The following MSRA variants were observed in gnomAD, a reference collection of about 807,000 sequenced individuals.
MSRA encodes mitochondrial peptide methionine sulfoxide reductase.
In MSRA, 54 loss-of-function variants were observed where a neutral mutation model predicts 31.3. That is an observed-to-expected ratio of 1.73 (90% CI 1.39 to 2.17). The LOEUF is 2.17. Ranked by LOEUF, MSRA falls within the 30% of genes most tolerant of loss-of-function variation. MSRA has a pLI of 0.00. For missense variants in MSRA, 507 were observed against 300.9 expected (o/e 1.69, Z -5.07); for synonymous variants, 169 against 116.5 (o/e 1.45, Z -2.90).
At chr8:10,188,639 C>G (rs1449635717) in intron 1 of MSRA, among the ~76,000 whole-genome samples, 2 of 152,134 alleles carry the variant, frequency 1.3e-5, no homozygotes, top group African/African-American at 4.8e-5. Flanking sequence ...TACAGTTGTT[C>G]CAGCACCATT....
intron 1 of MSRA, among the ~76,000 whole-genome samples, chr8:10,069,794 C>T (rs1166064839): frequency 6.6e-6 from 1 of 152,124 alleles, no homozygotes; most frequent in Admixed American, 6.5e-5. Flanking sequence ...ACATTCAAAC[C>T]AAAGTGATGT....
chr8:10,066,682 C>T (rs574923728), intron 1 of MSRA, among the ~76,000 whole-genome samples: 16 of 152,170 alleles, frequency 1.1e-4, no homozygotes, highest in Admixed American at 2.0e-4. Context: ...TACAGGCATC[C>T]GTCACCAGAC....
At chr8:10,210,290 T>C (rs1809364063) in intron 2 of MSRA, among the ~76,000 whole-genome samples, 1 of 152,156 alleles carries the variant, frequency 6.6e-6, no homozygotes, top group Non-Finnish European at 1.5e-5. Context: ...GGAGCTACAG[T>C]TTGAGCCCAA....
intron 3 of MSRA, among the ~76,000 whole-genome samples, chr8:10,285,456 T>A (rs1400447460): frequency 6.6e-6 from 1 of 152,188 alleles, no homozygotes; most frequent in Non-Finnish European, 1.5e-5. Context: ...GTAATTAGCA[T>A]ATCCATCACC....
intron 5 of MSRA, among the ~76,000 whole-genome samples, chr8:10,347,045 GC>G (rs1032918884): frequency 1.2e-4 from 19 of 152,094 alleles, no homozygotes; most frequent in African/African-American, 3.6e-4. Context: ...TCTGGCTGAA[GC>G]CCCCTCCAAT....
intron 1 of MSRA, among the ~76,000 whole-genome samples, chr8:10,085,011 C>G (rs1176557458): frequency 6.6e-6 from 1 of 152,016 alleles, no homozygotes; most frequent in Non-Finnish European, 1.5e-5. Context: ...GAGTTTAAAA[C>G]ATATCAACTA....
rs116104382 is a variant in MSRA, at chr8:10,377,097, C to T, written c.544-51051C>T. Among the ~76,000 whole-genome samples the T allele has an allele frequency of 9.3e-3, 1,423 of 152,344 alleles. 24 individuals carry two copies. Among genetic ancestry groups the T allele is most frequent in the African/African-American group, 0.033 (1,373 of 41,576 alleles). ...TATGCACTAACTTCTAGCAGTAATTCACGTTATGCAGCTGGGTAGGAGATA... is the reference window on the plus strand; with the variant it reads ...TATGCACTAACTTCTAGCAGTAATTTACGTTATGCAGCTGGGTAGGAGATA... On this transcript the variant is annotated intron_variant, in intron 5 of 5. Transcript: ENST00000317173.
At position 10,223,427 on chromosome 8, in the gene MSRA, C is replaced by T. The variant is rs117946628; in HGVS notation, c.211+15526C>T. Among the ~76,000 whole-genome samples, 17 of 152,324 alleles carry T rather than the reference C, an allele frequency of 1.1e-4. No homozygotes were observed. The East Asian group carries it at 2.7e-3, about 24-fold the overall frequency. ...ATAATGTATCGATGAAGTACATCAG[C>T]ATTTGCGTCTATCTCTTAACTCTTT... On this transcript the variant is annotated intron_variant, in intron 2 of 5. Coordinates refer to ENST00000317173, the MANE Select transcript of MSRA (RefSeq NM_012331.5).
intron 5 of MSRA, among the ~76,000 whole-genome samples, chr8:10,416,997 TAATG>T (rs1381322367): frequency 6.6e-6 from 1 of 152,160 alleles, no homozygotes; most frequent in East Asian, 1.9e-4. Flanking sequence ...GAGGAATAGA[TAATG>T]AAAGCCATTA....
At chr8:10,077,333 C>G (rs566885778) in intron 1 of MSRA, among the ~76,000 whole-genome samples, 2 of 152,040 alleles carry the variant, frequency 1.3e-5, no homozygotes, top group South Asian at 4.2e-4. Context: ...GCAACAGGTT[C>G]AAAAGGGGTA....
At chr8:10,258,006 G>T (rs983387872) in intron 3 of MSRA, among the ~76,000 whole-genome samples, 2 of 152,080 alleles carry the variant, frequency 1.3e-5, no homozygotes, top group Non-Finnish European at 2.9e-5. Context: ...TAGCTAATAG[G>T]TTTTAGTCGT....
At chr8:10,105,497 T>TA (rs1799821569) in intron 1 of MSRA, among the ~76,000 whole-genome samples, 1 of 152,066 alleles carries the variant, frequency 6.6e-6, no homozygotes, top group South Asian at 2.1e-4. Flanking sequence ...AATTAAAGAG[T>TA]ATTGTGGAGT....
At chr8:10,330,821 A>G (rs1016487677) in intron 5 of MSRA, among the ~76,000 whole-genome samples, 16 of 152,216 alleles carry the variant, frequency 1.1e-4, no homozygotes, top group African/African-American at 3.6e-4. Flanking sequence ...GATACAGCAT[A>G]TAAAGAAGCC....
intron 1 of MSRA, among the ~76,000 whole-genome samples, chr8:10,146,795 G>C (rs780245167): frequency 4.6e-5 from 7 of 152,246 alleles, no homozygotes; most frequent in Non-Finnish European, 7.3e-5. Flanking sequence ...CCCTGGGCTG[G>C]AGCAGACGCT....
intron 5 of MSRA, among the ~76,000 whole-genome samples, chr8:10,364,647 T>G (rs1438810333): frequency 6.6e-6 from 1 of 152,248 alleles, no homozygotes. Flanking sequence ...GCAGTGTGAG[T>G]GACCTTCTTG....
intron 3 of MSRA, among the ~76,000 whole-genome samples, chr8:10,297,024 A>G (rs186089874): frequency 1.3e-4 from 20 of 152,032 alleles, no homozygotes; most frequent in African/African-American, 4.6e-4. Context: ...CAAAGGTGAC[A>G]TTTTCTCCAC....
At chr8:10,098,361 T>C (rs181977189) in intron 1 of MSRA, among the ~76,000 whole-genome samples, 41 of 152,276 alleles carry the variant, frequency 2.7e-4, no homozygotes, top group Non-Finnish European at 5.1e-4. Context: ...TTTTGATGTA[T>C]GTACCTGAAC....
intron 5 of MSRA, among the ~76,000 whole-genome samples, chr8:10,374,535 C>T (rs964499785): frequency 3.9e-5 from 6 of 152,158 alleles, no homozygotes; most frequent in Admixed American, 1.3e-4. Flanking sequence ...TACAAATCGC[C>T]CAAGGTCTTC....
At chr8:10,171,646 A>G (rs936162780) in intron 1 of MSRA, among the ~76,000 whole-genome samples, 1 of 152,212 alleles carries the variant, frequency 6.6e-6, no homozygotes, top group Admixed American at 6.5e-5. Context: ...ACTGATACGG[A>G]CTTACCCAGT....
Sources: gnomAD v4.1 joint callset for allele counts (sites outside exome capture counted in the v4.1 genomes callset) on GRCh38, gnomAD v4.1.1 for gene constraint, MANE v1.5 for transcripts, NCBI Gene and HGNC (gene_info 2026-07-23, HGNC 2026-07-21) for gene names.